The following PTGDR variants were observed in gnomAD, a reference collection of about 807,000 sequenced individuals.
PTGDR encodes the protein PGD2 receptor.
Under a neutral mutation model 17.4 loss-of-function variants are expected in PTGDR, and 19 were observed. The ratio of observed to expected loss-of-function variants is 1.09; its 90% CI spans 0.76 to 1.60. The LOEUF is 1.60. Ranked by LOEUF, PTGDR falls within the 40% of genes most tolerant of loss-of-function variation. The pLI, the probability that PTGDR is intolerant of heterozygous loss-of-function variation, is 0.00. For missense variants in PTGDR, 526 were observed against 481.9 expected (o/e 1.09, Z -0.86); for synonymous variants, 267 against 224.2 (o/e 1.19, Z -1.71).
intron 1 of PTGDR, among the ~76,000 whole-genome samples, chr14:52,271,588 G>T (rs1460120712): frequency 6.6e-6 from 1 of 152,154 alleles, no homozygotes; most frequent in Non-Finnish European, 1.5e-5. Flanking sequence ...CAAGTAAAGT[G>T]GAAAAATCCT....
At position 52,267,748 on chromosome 14, in the gene PTGDR, T is replaced by C; in HGVS notation, c.-67T>C. 6.8e-7 allele frequency: 1 copy of C among 1,474,442 alleles called. No homozygotes were observed. The highest frequency in any genetic ancestry group is 9.0e-7 in the Non-Finnish European group (1 of 1,116,188). The allele number at this position is 1,474,442 out of a possible 1,614,324, so 91.3% of individuals were successfully genotyped here. Reference sequence around the variant, plus strand: ...GCGCGCGGAGCTGCCGGGGGCTCCTTAGCACCCGGGCGCCGGGGCCCTCGC... The same window carrying C: ...GCGCGCGGAGCTGCCGGGGGCTCCTCAGCACCCGGGCGCCGGGGCCCTCGC... On this transcript the variant is annotated 5_prime_UTR_variant, in exon 1 of 2. Transcript: ENST00000306051.
At chr14:52,277,304 A>C (rs1487705898), downstream of PTGDR, among the ~76,000 whole-genome samples, 2 of 152,216 alleles carry the variant, frequency 1.3e-5, no homozygotes, top group Admixed American at 1.3e-4. Context: ...CTTCACAGGA[A>C]GAAGATGCAT....
chr14:52,274,396 A>G (rs908735019), intron 1 of PTGDR, among the ~76,000 whole-genome samples: 3 of 152,172 alleles, frequency 2.0e-5, no homozygotes, highest in African/African-American at 7.2e-5. Context: ...AAGCATGCTG[A>G]CCCTGTTTCT....
chr14:52,279,679 T>C (rs1275392390), downstream of PTGDR, among the ~76,000 whole-genome samples: 3 of 152,144 alleles, frequency 2.0e-5, no homozygotes, highest in African/African-American at 4.8e-5. Context: ...GTGAACATTC[T>C]AGTCTTCCAG....
chr14:52,280,529 G>C (rs112484528), downstream of PTGDR, among the ~76,000 whole-genome samples: 115 of 152,244 alleles, frequency 7.6e-4, no homozygotes, highest in Non-Finnish European at 1.5e-3. Context: ...GAAATTCCTT[G>C]GGGGCCCCAA....
In PTGDR at chr14:52,275,123, A is replaced by G. The variant is rs2033399666; in HGVS notation, c.*159A>G. ...ATTTTCAAAAGTATTTGATATCTTA[A>G]CAATGTGTTACCATTCTATAGTCAT... On this transcript the variant is annotated 3_prime_UTR_variant, in exon 2 of 2. Transcript: ENST00000306051. 1.6e-6 allele frequency: 1 copy of G among 636,956 alleles called. No homozygotes were observed. The highest frequency in any genetic ancestry group is 2.7e-6 in the Non-Finnish European group (1 of 375,704). 39.5% of individuals were successfully genotyped at this position (636,956 alleles called of 1,614,324 possible).
chr14:52,271,184 T>C (rs1169610916), intron 1 of PTGDR, among the ~76,000 whole-genome samples: 2 of 152,340 alleles, frequency 1.3e-5, no homozygotes, highest in South Asian at 4.1e-4. Context: ...ACATAATATA[T>C]ACATTCATCA....
chr14:52,276,819 T>C (rs1045754595), downstream of PTGDR: 2 of 150,602 alleles, frequency 1.3e-5, no homozygotes, highest in African/African-American at 4.9e-5. Context: ...TGTCTGGCAG[T>C]TTCCTAGTGT....
chr14:52,269,432 TTA>T, intron 1 of PTGDR: 1 of 1,489,726 alleles, frequency 6.7e-7, no homozygotes, highest in South Asian at 1.2e-5. Flanking sequence ...GGAAATGAAA[TTA>T]TCTCCTCATT....
At chr14:52,278,319 G>A (rs2033453291), downstream of PTGDR, among the ~76,000 whole-genome samples, 2 of 152,310 alleles carry the variant, frequency 1.3e-5, no homozygotes, top group Non-Finnish European at 2.9e-5. Flanking sequence ...CCTTTGTAGG[G>A]ACATGGATGA....
chr14:52,267,946 G>T lies in PTGDR; in HGVS notation c.132G>T (p.Ser44=), dbSNP rs929902492. Residue 44 remains serine (S), a synonymous_variant, in exon 1 of 2, where the codon TCG becomes TCT. Coordinates refer to ENST00000306051, the MANE Select transcript of PTGDR (RefSeq NM_000953.3). ...TGGCCCTGGGGCTGCTGGCGCGCTC[G>T]GGGCTGGGGTGGTGCTCGCGGCGTC... ...NLLALGLLAR[S]GLGWCSRRPL... is the part of the protein sequence containing the mutation. 2.5e-6 allele frequency: 4 copies of T among 1,609,576 alleles called. No individual in the cohort carries two copies. In the East Asian group the frequency reaches 8.9e-5, roughly 36 times the overall value.
chr14:52,268,491 A>G lies in PTGDR; in HGVS notation c.677A>G (p.Tyr226Cys), dbSNP rs1267967597. The change falls in exon 1 of 2, where the codon TAT becomes TGT. Residue 226 changes from tyrosine (Y) to cysteine (C), a missense_variant. Coordinates refer to ENST00000306051, the MANE Select transcript of PTGDR (RefSeq NM_000953.3). Reference sequence around the variant, plus strand: ...AACCTCGGCGCCATGCGCAACCTCTATGCGATGCACCGGCGGCTGCAGCGG... The same window carrying G: ...AACCTCGGCGCCATGCGCAACCTCTGTGCGATGCACCGGCGGCTGCAGCGG... ...LCNLGAMRNL[Y>C]AMHRRLQRHP... 3 of 1,610,618 alleles carry G rather than the reference A, an allele frequency of 1.9e-6. No individual in the cohort carries two copies. The highest frequency in any genetic ancestry group is 1.1e-5 in the South Asian group (1 of 91,054).
intron 1 of PTGDR, among the ~76,000 whole-genome samples, chr14:52,272,001 C>T (rs1177198412): frequency 1.3e-5 from 2 of 152,126 alleles, no homozygotes; most frequent in East Asian, 3.8e-4. Context: ...CCTTTCTCCT[C>T]AAAGTGGAGT....
At chr14:52,277,074 A>C (rs1209309369), downstream of PTGDR, among the ~76,000 whole-genome samples, 3 of 152,204 alleles carry the variant, frequency 2.0e-5, no homozygotes, top group African/African-American at 7.2e-5. Context: ...TCATTAAATA[A>C]TTTACAGAGA....
At chr14:52,269,537 C>T in intron 1 of PTGDR, 1 of 1,531,916 alleles carries the variant, frequency 6.5e-7, no homozygotes. Flanking sequence ...CTCCTTTCTC[C>T]CAAGGTACCT....
rs200193104 is a variant in PTGDR at position 52,267,769 on chromosome 14, C to T, written c.-46C>T. 1.8e-4 allele frequency: 273 copies of T among 1,497,256 alleles called. 1 individual carries two copies. The East Asian group carries it at 6.2e-3, about 34-fold the overall frequency. 92.7% of individuals were successfully genotyped at this position (1,497,256 alleles called of 1,614,324 possible). ...TCCTTAGCACCCGGGCGCCGGGGCC[C>T]TCGCCCTTCCGCAGCCTTCACTCCA... On this transcript the variant is annotated 5_prime_UTR_variant, in exon 1 of 2. Transcript: ENST00000306051.
chr14:52,268,143 T>A lies in PTGDR; in HGVS notation c.329T>A (p.Phe110Tyr). The change falls in exon 1 of 2, where the codon TTC (phenylalanine) becomes TAC (tyrosine). Residue 110 changes from phenylalanine to tyrosine, a missense_variant. Physicochemically the swap from Phe to Tyr is conservative, Grantham distance 22. Coordinates refer to ENST00000306051, the MANE Select transcript of PTGDR (RefSeq NM_000953.3). ...LDNSLCQAFA[F>Y]FMSFFGLSST... ...AACTCGTTGTGCCAAGCCTTCGCCT[T>A]CTTCATGTCCTTCTTTGGGCTCTCC... 6.2e-7 allele frequency: 1 copy of A among 1,614,154 alleles called. No individual in the cohort carries two copies. Among genetic ancestry groups the A allele is most frequent in the Non-Finnish European group, 8.5e-7 (1 of 1,180,044 alleles).
chr14:52,267,710 C>T lies in PTGDR; in HGVS notation c.-105C>T. The T allele has an allele frequency of 1.4e-6, 2 of 1,431,634 alleles. No homozygotes were observed. Among genetic ancestry groups the T allele is most frequent in the Non-Finnish European group, 1.8e-6 (2 of 1,099,728 alleles). The allele number at this position is 1,431,634 out of a possible 1,614,324, so 88.7% of individuals were successfully genotyped here. On this transcript the variant is annotated 5_prime_UTR_variant, in exon 1 of 2. Transcript: ENST00000306051. ...CGGAGCTTTTTCTGTGGCGCAGCTT[C>T]TCCGCCCGAGCCGCGCGCGGAGCTG...
downstream of PTGDR, among the ~76,000 whole-genome samples, chr14:52,279,150 T>A (rs1251860437): frequency 6.6e-6 from 1 of 152,136 alleles, no homozygotes; most frequent in Non-Finnish European, 1.5e-5. Flanking sequence ...TTCTCTCTCA[T>A]GATAGTCCTA....
Sources: allele counts gnomAD v4.1 joint callset (sites outside exome capture counted in the v4.1 genomes callset), GRCh38; gene constraint gnomAD v4.1.1; transcripts MANE v1.5; gene names NCBI Gene and HGNC (gene_info 2026-07-23, HGNC 2026-07-21).